The following PIP4K2A variants were observed in gnomAD, a reference collection of about 807,000 sequenced individuals.
PIP4K2A encodes phosphatidylinositol 5-phosphate 4-kinase type-2 alpha.
A neutral mutation model predicts 42.9 loss-of-function variants in PIP4K2A; 14 were observed. The ratio of observed to expected loss-of-function variants is 0.33; its 90% CI spans 0.22 to 0.51. The LOEUF is 0.51. PIP4K2A is among the 20% of genes least tolerant of loss of function. The pLI is 0.97. For missense variants in PIP4K2A, 434 were observed against 519.8 expected, an observed-to-expected ratio of 0.83 and a Z score of 1.61; for synonymous variants, 192 against 192.2, an observed-to-expected ratio of 1.00 and a Z score of 0.01.
At position 22,536,012 on chromosome 10, in the gene PIP4K2A, T is replaced by C; in HGVS notation, c.*1189A>G. On this transcript the variant is annotated 3_prime_UTR_variant, in exon 10 of 10. Coordinates refer to ENST00000376573, the MANE Select transcript of PIP4K2A (RefSeq NM_005028.5). ...AATATGACAAACGTTATTTCACCTATACTGTGACTTTACATGTAAACTTCA... is the reference window on the plus strand; with the variant it reads ...AATATGACAAACGTTATTTCACCTACACTGTGACTTTACATGTAAACTTCA... The C allele has an allele frequency of 2.5e-6, 1 of 398,000 alleles. No homozygotes were observed. The highest frequency in any genetic ancestry group is 4.4e-6 in the Non-Finnish European group (1 of 225,778). 24.7% of individuals were successfully genotyped at this position (398,000 alleles called of 1,614,324 possible). A position where few individuals can be genotyped will look rare whatever the true frequency, so the allele number is the denominator to read the frequency against.
chr10:22,603,990 C>T (rs888953903), intron 3 of PIP4K2A, among the ~76,000 whole-genome samples: 5 of 136,098 alleles, frequency 3.7e-5, no homozygotes, highest in Admixed American at 7.6e-5. Flanking sequence ...CACACATGCG[C>T]GAGCACACAC....
intron 6 of PIP4K2A, among the ~76,000 whole-genome samples, chr10:22,560,970 T>G (rs1006741490): frequency 6.6e-6 from 1 of 152,228 alleles, no homozygotes; most frequent in Non-Finnish European, 1.5e-5. Context: ...GGCAGCATGC[T>G]AAGACTGTCA....
chr10:22,610,761 G>C (rs1838015768), intron 1 of PIP4K2A, among the ~76,000 whole-genome samples: 1 of 152,162 alleles, frequency 6.6e-6, no homozygotes, highest in Admixed American at 6.5e-5. Context: ...AACGAAAGCT[G>C]GGAGCTCAAC....
At chr10:22,684,644 C>T (rs192176311) in intron 1 of PIP4K2A, among the ~76,000 whole-genome samples, 2 of 152,296 alleles carry the variant, frequency 1.3e-5, no homozygotes, top group East Asian at 1.9e-4. Flanking sequence ...AGTATCAGCT[C>T]GAGCTCCCTG....
chr10:22,646,577 A>G (rs1443072291), intron 1 of PIP4K2A, among the ~76,000 whole-genome samples: 1 of 152,224 alleles, frequency 6.6e-6, no homozygotes, highest in Non-Finnish European at 1.5e-5. Context: ...ACAAAAATCA[A>G]GACCACCCTT....
intron 6 of PIP4K2A, among the ~76,000 whole-genome samples, chr10:22,552,682 T>C (rs972005454): frequency 1.3e-5 from 2 of 152,038 alleles, no homozygotes; most frequent in African/African-American, 2.4e-5. Flanking sequence ...GGAAGCACGT[T>C]AGAAAAAAGG....
At chr10:22,559,350 T>G (rs1303405357) in intron 6 of PIP4K2A, among the ~76,000 whole-genome samples, 2 of 152,196 alleles carry the variant, frequency 1.3e-5, no homozygotes, top group Non-Finnish European at 2.9e-5. Flanking sequence ...ACAGCAGTGC[T>G]CCACGTGTGC....
intron 4 of PIP4K2A, among the ~76,000 whole-genome samples, chr10:22,577,502 A>C (rs918546542): frequency 1.3e-5 from 2 of 152,142 alleles, no homozygotes; most frequent in African/African-American, 4.8e-5. Flanking sequence ...GCCTTCCAAC[A>C]TGAGTAGAAG....
chr10:22,568,911 A>T, intron 5 of PIP4K2A: 1 of 851,378 alleles, frequency 1.2e-6, no homozygotes, highest in Non-Finnish European at 1.9e-6. Context: ...GACACCCCTA[A>T]CTATCGTGAG....
chr10:22,616,834 G>A (rs984756452), intron 1 of PIP4K2A, among the ~76,000 whole-genome samples: 3 of 152,198 alleles, frequency 2.0e-5, no homozygotes, highest in African/African-American at 7.2e-5. Flanking sequence ...CTGTGTGACT[G>A]AAAAGTTGTC....
Position 22,536,737 on chromosome 10 carries a change from A to AAACAAAACAAAAAAAAAAAT in PIP4K2A, c.*463_*464insATTTTTTTTTTTGTTTTGTT, listed in dbSNP as rs1835937898. On this transcript the variant is annotated 3_prime_UTR_variant, in exon 10 of 10. Transcript: ENST00000376573. ...TCCAAAAAAAAAAAAAAAAAAAAAA[A>AAACAAAACAAAAAAAAAAAT]ACTGATCCACAGTTTGTTGTGTGAT... 6.7e-6 allele frequency: 1 copy of AAACAAAACAAAAAAAAAAAT among 149,438 alleles called. No individual in the cohort carries two copies. The highest frequency in any genetic ancestry group is 1.5e-5 in the Non-Finnish European group (1 of 67,386). 9.3% of individuals were successfully genotyped at this position (149,438 alleles called of 1,614,324 possible).
rs76078515 is a variant in PIP4K2A, at chr10:22,701,922, T to C, written c.144+12261A>G. Among the ~76,000 whole-genome samples the C allele has an allele frequency of 2.9e-4, 44 of 152,286 alleles. 2 individuals carry two copies. The East Asian group carries it at 7.7e-3, about 27-fold the overall frequency. On this transcript the variant is annotated intron_variant, in intron 1 of 9. Transcript: ENST00000376573. ...TAGGGCCCACCCAAGGTGTGAAGTC[T>C]AATAGGAAACCTTTTCTCCATAAGG...
intron 1 of PIP4K2A, among the ~76,000 whole-genome samples, chr10:22,649,834 G>A (rs1838956373): frequency 6.6e-6 from 1 of 152,164 alleles, no homozygotes; most frequent in African/African-American, 2.4e-5. Context: ...AAATACTTAT[G>A]TAGATTCATT....
chr10:22,582,003 CTA>C, intron 4 of PIP4K2A, among the ~76,000 whole-genome samples: 1 of 151,256 alleles, frequency 6.6e-6, no homozygotes, highest in Admixed American at 6.6e-5. Flanking sequence ...GTATTCCCAG[CTA>C]CTTGGGAGGC....
At chr10:22,704,183 T>C (rs1411837744) in intron 1 of PIP4K2A, among the ~76,000 whole-genome samples, 2 of 152,014 alleles carry the variant, frequency 1.3e-5, no homozygotes, top group African/African-American at 4.8e-5. Context: ...TAAATGTAAT[T>C]GTAGAAGATG....
rs139220604 is a variant in PIP4K2A, at chr10:22,595,206, C to T, written c.340-3425G>A. On this transcript the variant is annotated intron_variant, in intron 3 of 9. Coordinates refer to ENST00000376573, the MANE Select transcript of PIP4K2A (RefSeq NM_005028.5). ...ATTTCATATTTATTTTCACAATATTCCTGTGAGAGAGGAAAAGCTAGATCC... is the reference window on the plus strand; with the variant it reads ...ATTTCATATTTATTTTCACAATATTTCTGTGAGAGAGGAAAAGCTAGATCC... 4.0e-3 allele frequency among the ~76,000 whole-genome samples: 606 copies of T among 152,164 alleles called. 6 individuals are homozygous for T. Among genetic ancestry groups the T allele is most frequent in the African/African-American group, 0.014 (564 of 41,514 alleles).
rs1455433851 is a variant in PIP4K2A at position 22,573,577 on chromosome 10, T to TGA, written c.493-121_493-120insTC. The TGA allele has an allele frequency of 5.4e-5, 42 of 784,386 alleles. No homozygotes were observed. The East Asian group carries it at 1.1e-3, about 20-fold the overall frequency. The allele number at this position is 784,386 out of a possible 1,614,324, so 48.6% of individuals were successfully genotyped here. A position where few individuals can be genotyped will look rare whatever the true frequency, so the allele number is the denominator to read the frequency against. On this transcript the variant is annotated intron_variant, in intron 4 of 9. Coordinates refer to ENST00000376573, the MANE Select transcript of PIP4K2A (RefSeq NM_005028.5). Reference sequence around the variant, plus strand: ...TGAAAACCTCCAGCCATTAGGGTCTTATTTACAGAAAATGACCACATTTGT... The same window carrying TGA: ...TGAAAACCTCCAGCCATTAGGGTCTTGAATTTACAGAAAATGACCACATTTGT...
chr10:22,556,110 G>A (rs1014754191), intron 6 of PIP4K2A, among the ~76,000 whole-genome samples: 1 of 152,118 alleles, frequency 6.6e-6, no homozygotes, highest in Non-Finnish European at 1.5e-5. Context: ...CTTCAAATTT[G>A]GAAGACACTT....
At chr10:22,660,507 T>C (rs1839185461) in intron 1 of PIP4K2A, among the ~76,000 whole-genome samples, 1 of 151,610 alleles carries the variant, frequency 6.6e-6, no homozygotes, top group Non-Finnish European at 1.5e-5. Context: ...TACTGAATCC[T>C]GAATTTTTTT....
Sources: gnomAD v4.1 joint callset for allele counts (sites outside exome capture counted in the v4.1 genomes callset) on GRCh38, gnomAD v4.1.1 for gene constraint, MANE v1.5 for transcripts, NCBI Gene and HGNC (gene_info 2026-07-23, HGNC 2026-07-21) for gene names.